Variants in ARPP21 observed in about 807,000 individuals in gnomAD.
The protein encoded by ARPP21 is cAMP-regulated phosphoprotein 21.
A neutral mutation model predicts 113.2 loss-of-function variants in ARPP21; 69 were observed. The observed-to-expected ratio is 0.61, with a 90% CI of 0.50 to 0.74. The LOEUF (loss-of-function observed/expected upper bound fraction) is 0.74. ARPP21 is among the 30% of genes least tolerant of loss of function. The pLI, the probability that ARPP21 is intolerant of heterozygous loss-of-function variation, is 0.00. For synonymous variants in ARPP21, 368 were observed against 375.5 expected (o/e 0.98, Z 0.23); for missense variants, 1,070 against 1,037.4 (o/e 1.03, Z -0.43).
At chr3:35,676,664 A>G (rs1327251123) in intron 1 of ARPP21, among the ~76,000 whole-genome samples, 2 of 151,904 alleles carry the variant, frequency 1.3e-5, no homozygotes, top group Non-Finnish European at 2.9e-5. Context: ...AATTAATGTG[A>G]AAATTTCTCA....
chr3:35,735,352 A>G (rs907532347), intron 15 of ARPP21, among the ~76,000 whole-genome samples: 1 of 152,042 alleles, frequency 6.6e-6, no homozygotes, highest in Non-Finnish European at 1.5e-5. Flanking sequence ...AGCTCAAGCA[A>G]TCTACCCACC....
chr3:35,770,233 G>A (rs1183008790), intron 19 of ARPP21, among the ~76,000 whole-genome samples: 1 of 152,150 alleles, frequency 6.6e-6, no homozygotes. Flanking sequence ...GAACATCTTA[G>A]TTCCGTAGAT....
chr3:35,788,432 C>T (rs565129975), intron 19 of ARPP21, among the ~76,000 whole-genome samples: 1 of 152,266 alleles, frequency 6.6e-6, no homozygotes, highest in Non-Finnish European at 1.5e-5. Context: ...ATTAAGATTA[C>T]TTCCCTTAAT....
intron 12 of ARPP21, among the ~76,000 whole-genome samples, chr3:35,716,931 C>T (rs183051260): frequency 7.2e-5 from 11 of 152,098 alleles, no homozygotes; most frequent in African/African-American, 2.6e-4. Flanking sequence ...ATATGTGCCT[C>T]TGGAATGCCA....
chr3:35,684,568 T>A (rs977572240), intron 5 of ARPP21: 4 of 985,460 alleles, frequency 4.1e-6, no homozygotes, highest in African/African-American at 3.5e-5. Flanking sequence ...GAAATTGTAC[T>A]TATTTTATCA....
chr3:35,654,676 T>C (rs1183427648), intron 1 of ARPP21, among the ~76,000 whole-genome samples: 1 of 152,084 alleles, frequency 6.6e-6, no homozygotes, highest in Non-Finnish European at 1.5e-5. Context: ...AGGGTGACGG[T>C]TGCTTTTAGC....
intron 14 of ARPP21, among the ~76,000 whole-genome samples, chr3:35,727,730 T>C (rs2093640973): frequency 6.6e-6 from 1 of 152,210 alleles, no homozygotes; most frequent in East Asian, 1.9e-4. Context: ...TCTATTAGTT[T>C]GAATTTGCAG....
intron 5 of ARPP21, chr3:35,685,273 A>C (rs1022674052): frequency 3.1e-5 from 31 of 985,296 alleles, no homozygotes; most frequent in Non-Finnish European, 3.7e-5. Flanking sequence ...CAGAGAAATA[A>C]GGTGTAAATG....
chr3:35,765,205 CT>C (rs1385945937), intron 19 of ARPP21, among the ~76,000 whole-genome samples: 1 of 152,012 alleles, frequency 6.6e-6, no homozygotes, highest in East Asian at 1.9e-4. Flanking sequence ...CTTAAATATC[CT>C]GAGCTTACCC....
At chr3:35,646,729 A>T (rs1283136437) in intron 1 of ARPP21, among the ~76,000 whole-genome samples, 1 of 151,970 alleles carries the variant, frequency 6.6e-6, no homozygotes, top group Non-Finnish European at 1.5e-5. Context: ...GGACTACTTC[A>T]TATATCTGGC....
chr3:35,740,142 A>T (rs915415318), intron 18 of ARPP21, among the ~76,000 whole-genome samples: 2 of 152,200 alleles, frequency 1.3e-5, no homozygotes, highest in South Asian at 4.1e-4. Flanking sequence ...GCCATTAATC[A>T]TATTTAATTG....
At chr3:35,731,569 T>C (rs1179491259) in intron 15 of ARPP21, among the ~76,000 whole-genome samples, 1 of 152,200 alleles carries the variant, frequency 6.6e-6, no homozygotes, top group African/African-American at 2.4e-5. Context: ...TTTTGTAAAT[T>C]GAAAAATATG....
At chr3:35,720,051 A>T (rs2092900780) in intron 13 of ARPP21, among the ~76,000 whole-genome samples, 1 of 152,190 alleles carries the variant, frequency 6.6e-6, no homozygotes, top group Admixed American at 6.5e-5. Context: ...CCACCTGGTC[A>T]TTGGTGAAGG....
intron 19 of ARPP21, among the ~76,000 whole-genome samples, chr3:35,791,239 T>C (rs1577088223): frequency 6.6e-6 from 1 of 152,348 alleles, no homozygotes; most frequent in East Asian, 1.9e-4. Context: ...GAATGATGCA[T>C]GTTGATTAGC....
chr3:35,686,356 A>G lies in ARPP21; in HGVS notation c.262-1383A>G, dbSNP rs1262059437. ...TACACTCAGGTTTTACAAAGTTTAT[A>G]TATGTACATCCCCAGGAAAAATGTG... On this transcript the variant is annotated intron_variant, in intron 5 of 20. Coordinates refer to ENST00000684406, the MANE Select transcript of ARPP21 (RefSeq NM_001385562.1). Among the ~76,000 whole-genome samples, 3 of 151,752 alleles carry G rather than the reference A, an allele frequency of 2.0e-5. No homozygotes were observed. In the East Asian group the frequency reaches 5.8e-4, roughly 30 times the overall value.
chr3:35,764,529 G>T (rs2095886999), intron 19 of ARPP21, among the ~76,000 whole-genome samples: 1 of 152,098 alleles, frequency 6.6e-6, no homozygotes, highest in South Asian at 2.1e-4. Flanking sequence ...TTTCCTCCAT[G>T]CATTCCCGAG....
At chr3:35,707,145 C>A in intron 10 of ARPP21, 63 bp downstream of exon 10, 2 of 1,250,912 alleles carry the variant, frequency 1.6e-6, no homozygotes, top group South Asian at 1.2e-5. Context: ...GACTGATGTT[C>A]ATGTCGTCCC....
intron 19 of ARPP21, among the ~76,000 whole-genome samples, chr3:35,791,925 G>T (rs2096755950): frequency 6.6e-6 from 1 of 152,150 alleles, no homozygotes; most frequent in Non-Finnish European, 1.5e-5. Flanking sequence ...GCTGTTTGGT[G>T]GTCTCTATGT....
At chr3:35,693,126 G>A (rs2082736021) in intron 9 of ARPP21, among the ~76,000 whole-genome samples, 1 of 151,520 alleles carries the variant, frequency 6.6e-6, no homozygotes, top group Non-Finnish European at 1.5e-5. Flanking sequence ...AGTGTGTGCA[G>A]AGAACACCCT....
Sources: allele counts gnomAD v4.1 joint callset (sites outside exome capture counted in the v4.1 genomes callset), GRCh38; gene constraint gnomAD v4.1.1; transcripts MANE v1.5; gene names NCBI Gene and HGNC (gene_info 2026-07-23, HGNC 2026-07-21).